PTPRG: variants seen among roughly 807,000 people sequenced by gnomAD.
The protein encoded by PTPRG is protein tyrosine phosphatase receptor type G, also known as receptor-type tyrosine-protein phosphatase gamma.
A neutral mutation model predicts 165.3 loss-of-function variants in PTPRG; 102 were observed. The observed-to-expected ratio is 0.62, with a 90% CI of 0.53 to 0.73. PTPRG has a LOEUF of 0.73. PTPRG is among the 30% of genes least tolerant of loss of function. The probability of loss-of-function intolerance (pLI) is 0.00; values close to 1 mark genes in which losing one functional copy is unlikely to be tolerated. For synonymous variants in PTPRG, 675 were observed against 669.5 expected (o/e 1.01, Z -0.13); for missense variants, 1,866 against 1,861.4 (o/e 1.00, Z -0.05).
rs990752299 is a variant in PTPRG, at chr3:62,296,927, G to A, written c.*3620G>A. ...GAGTTTTAAGAAATAAACATCTCCA[G>A]AAAAGGAGAAAGTCGATTTTATAAA... is the stretch of plus-strand genomic sequence containing the variant. On this transcript the variant is annotated 3_prime_UTR_variant, in exon 30 of 30. Transcript: ENST00000474889. The A allele has an allele frequency of 2.0e-5, 3 of 151,948 alleles. No homozygotes were observed. Among genetic ancestry groups the A allele is most frequent in the Non-Finnish European group, 4.4e-5 (3 of 67,930 alleles). The allele number at this position is 151,948 out of a possible 1,614,324, so 9.4% of individuals were successfully genotyped here.
chr3:62,279,961 C>A (rs1387360334), intron 26 of PTPRG, among the ~76,000 whole-genome samples: 1 of 151,976 alleles, frequency 6.6e-6, no homozygotes, highest in Admixed American at 6.6e-5. Flanking sequence ...ACGTGGTGTA[C>A]ATCATAATCA....
chr3:61,652,982 A>G (rs2106991185), intron 1 of PTPRG, among the ~76,000 whole-genome samples: 2 of 152,342 alleles, frequency 1.3e-5, no homozygotes, highest in South Asian at 2.1e-4. Flanking sequence ...CACTACAACC[A>G]CCAGATATCA....
chr3:61,892,643 C>T (rs1055654664), intron 2 of PTPRG, among the ~76,000 whole-genome samples: 4 of 151,990 alleles, frequency 2.6e-5, no homozygotes, highest in African/African-American at 7.2e-5. Flanking sequence ...ATGGAGAAAC[C>T]CCTTCTTTAC....
chr3:61,875,288 G>T (rs866438956), intron 2 of PTPRG, among the ~76,000 whole-genome samples: 10 of 152,266 alleles, frequency 6.6e-5, no homozygotes, highest in African/African-American at 2.4e-4. Flanking sequence ...ATTTCCTGTT[G>T]ATACCATTCA....
At chr3:61,646,660 T>G (rs1026658610) in intron 1 of PTPRG, among the ~76,000 whole-genome samples, 1 of 152,218 alleles carries the variant, frequency 6.6e-6, no homozygotes, top group South Asian at 2.1e-4. Flanking sequence ...ATTTACTCAG[T>G]GGTGTTTGTG....
intron 2 of PTPRG, among the ~76,000 whole-genome samples, chr3:61,830,723 C>T (rs368540056): frequency 3.0e-4 from 45 of 151,884 alleles, no homozygotes; most frequent in Non-Finnish European, 4.6e-4. Context: ...TACAGGCACG[C>T]GCCACCACAC....
chr3:61,945,048 T>C (rs549804661), intron 2 of PTPRG, among the ~76,000 whole-genome samples: 212 of 152,310 alleles, frequency 1.4e-3, no homozygotes, highest in African/African-American at 4.5e-3. Context: ...CTTTGTCGTC[T>C]TTTCTCCACT....
In PTPRG at chr3:61,820,603, GTTTTTTTTTTTTTT is replaced by G. The variant is rs11329820; in HGVS notation, c.190+71634_190+71647del. On this transcript the variant is annotated intron_variant, in intron 2 of 29. Coordinates refer to ENST00000474889, the MANE Select transcript of PTPRG (RefSeq NM_002841.4). ...TTTAATTTCTTGTTCCTGTGTCTCTGTTTTTTTTTTTTTTTTTTTTTTTTTTACTGTGGCTTTAG... is the reference window on the plus strand; with the variant it reads ...TTTAATTTCTTGTTCCTGTGTCTCTGTTTTTTTTTTTTACTGTGGCTTTAG... Among the ~76,000 whole-genome samples, 12 of 65,730 alleles carry G rather than the reference GTTTTTTTTTTTTTT, an allele frequency of 1.8e-4. No individual in the cohort carries two copies. The Admixed American group carries it at 2.0e-3, about 11-fold the overall frequency. 43.1% of individuals were successfully genotyped at this position (65,730 alleles called of 152,430 possible). A position where few individuals can be genotyped will look rare whatever the true frequency, so the allele number is the denominator to read the frequency against.
chr3:62,050,031 G>A (rs1428720788), intron 4 of PTPRG, among the ~76,000 whole-genome samples: 1 of 152,174 alleles, frequency 6.6e-6, no homozygotes, highest in African/African-American at 2.4e-5. Flanking sequence ...ATATTTTAGT[G>A]GATGTTAGCA....
At chr3:62,067,248 ATTCTT>A (rs1038673974) in intron 4 of PTPRG, among the ~76,000 whole-genome samples, 2 of 120,474 alleles carry the variant, frequency 1.7e-5, no homozygotes, top group East Asian at 2.4e-4. Context: ...TGGGTGGATA[ATTCTT>A]TTCTTTTTTT....
Position 61,966,486 on chromosome 3 carries a change from G to T in PTPRG, c.191-23139G>T, listed in dbSNP as rs964108364. ...GAACCATACCATTGTTTTACAATGG[G>T]GTGTGCTGATGTGAGGTTGCCTTCT... On this transcript the variant is annotated intron_variant, in intron 2 of 29. Coordinates refer to ENST00000474889, the MANE Select transcript of PTPRG (RefSeq NM_002841.4). Among the ~76,000 whole-genome samples, 10 of 152,220 alleles carry T rather than the reference G, an allele frequency of 6.6e-5. No homozygotes were observed. The East Asian group carries it at 1.7e-3, about 26-fold the overall frequency.
intron 5 of PTPRG, among the ~76,000 whole-genome samples, chr3:62,101,666 GCAGTGGCCTC>G (rs1248061411): frequency 6.6e-6 from 1 of 152,176 alleles, no homozygotes; most frequent in African/African-American, 2.4e-5. Flanking sequence ...GTAGAATTTG[GCAGTGGCCTC>G]CAGTGGCCTG....
rs562881805 is a variant in PTPRG at position 62,287,580 on chromosome 3, T to C, written c.4055+4711T>C. On this transcript the variant is annotated intron_variant, in intron 28 of 29. Coordinates refer to ENST00000474889, the MANE Select transcript of PTPRG (RefSeq NM_002841.4). ...ATGAAACTAGAATGTGGAAGTCACA[T>C]ACAGAAGTTCTAACATATGTCTAAA... Among the ~76,000 whole-genome samples, 4 of 152,248 alleles carry C rather than the reference T, an allele frequency of 2.6e-5. No homozygotes were observed. In the South Asian group the frequency reaches 8.3e-4, roughly 32 times the overall value.
chr3:61,711,890 A>G (rs906470585), intron 1 of PTPRG, among the ~76,000 whole-genome samples: 1 of 144,400 alleles, frequency 6.9e-6, no homozygotes, highest in African/African-American at 2.5e-5. Context: ...ATGTTATTAT[A>G]GTCTTTTTTT....
intron 2 of PTPRG, among the ~76,000 whole-genome samples, chr3:61,938,479 G>C (rs2039534140): frequency 6.6e-6 from 1 of 152,104 alleles, no homozygotes; most frequent in Non-Finnish European, 1.5e-5. Flanking sequence ...AATTTTAGGT[G>C]TTCTTGAGGA....
At chr3:61,889,535 A>G (rs2038148584) in intron 2 of PTPRG, among the ~76,000 whole-genome samples, 1 of 152,204 alleles carries the variant, frequency 6.6e-6, no homozygotes, top group Non-Finnish European at 1.5e-5. Context: ...CTTAGCCATT[A>G]AAGTGTTGCC....
intron 14 of PTPRG, among the ~76,000 whole-genome samples, chr3:62,239,640 G>A (rs191411736): frequency 5.9e-5 from 9 of 152,042 alleles, no homozygotes; most frequent in African/African-American, 1.9e-4. Flanking sequence ...GATTACAGGC[G>A]TGAGTCACTG....
In PTPRG at chr3:61,761,586, G is replaced by GAAACAAAC. The variant is rs58659958; in HGVS notation, c.190+12621_190+12628dup. Among the ~76,000 whole-genome samples, 217 of 151,134 alleles carry GAAACAAAC rather than the reference G, an allele frequency of 1.4e-3. 1 individual carries two copies. The highest frequency in any genetic ancestry group is 2.0e-3 in the African/African-American group (82 of 41,132). On this transcript the variant is annotated intron_variant, in intron 2 of 29. Coordinates refer to ENST00000474889, the MANE Select transcript of PTPRG (RefSeq NM_002841.4). ...GAGTGAGACTCCGCCTCAAAACAAAGAAACAAACAAACAAACAAACAAACC... is the reference window on the plus strand; with the variant it reads ...GAGTGAGACTCCGCCTCAAAACAAAGAAACAAACAAACAAACAAACAAACAAACAAACC...
intron 2 of PTPRG, among the ~76,000 whole-genome samples, chr3:61,849,584 T>C (rs1349878087): frequency 2.0e-5 from 3 of 152,186 alleles, no homozygotes; most frequent in Non-Finnish European, 4.4e-5. Context: ...GAGAATGTGA[T>C]GAACTTAATG....
Sources: allele counts gnomAD v4.1 joint callset (sites outside exome capture counted in the v4.1 genomes callset), GRCh38; gene constraint gnomAD v4.1.1; transcripts MANE v1.5; gene names NCBI Gene and HGNC (gene_info 2026-07-23, HGNC 2026-07-21).